Variants in TBC1D5 observed in about 807,000 individuals in gnomAD.
TBC1D5 encodes TBC1 domain family, member 5.
Under a neutral mutation model 100.3 loss-of-function variants are expected in TBC1D5, and 75 were observed. The ratio of observed to expected loss-of-function variants is 0.75; its 90% CI spans 0.62 to 0.91. TBC1D5 has a LOEUF of 0.91. Ranked by LOEUF, TBC1D5 falls within the 40% of genes least tolerant of loss-of-function variation. The pLI, the probability that TBC1D5 is intolerant of heterozygous loss-of-function variation, is 0.00. For missense variants in TBC1D5, 910 were observed against 942.4 expected (o/e 0.97, Z 0.45); for synonymous variants, 323 against 325.6 (o/e 0.99, Z 0.09).
At chr3:17,283,394 A>T (rs2080818988) in intron 15 of TBC1D5, among the ~76,000 whole-genome samples, 1 of 152,166 alleles carries the variant, frequency 6.6e-6, no homozygotes, top group African/African-American at 2.4e-5. Flanking sequence ...AGAAAACTGA[A>T]TGGTCTGGTT....
intron 14 of TBC1D5, among the ~76,000 whole-genome samples, chr3:17,299,674 T>C (rs182831703): frequency 0.015 from 2,307 of 151,926 alleles, 49 homozygotes; most frequent in African/African-American, 0.052. Context: ...CTGGCTAACA[T>C]GGTGAAACCC....
At chr3:17,292,136 G>A in intron 14 of TBC1D5, 135 bp from the exon 15 acceptor site, 1 of 723,162 alleles carries the variant, frequency 1.4e-6, no homozygotes, top group South Asian at 1.9e-5. Context: ...AAGGGAGTAG[G>A]AAGAAGGGAT....
chr3:17,174,253 G>T (rs1202593004), intron 19 of TBC1D5, among the ~76,000 whole-genome samples: 1 of 152,150 alleles, frequency 6.6e-6, no homozygotes, highest in African/African-American at 2.4e-5. Flanking sequence ...AATGTTTCCT[G>T]AAACTGCACT....
At chr3:17,548,598 T>C (rs2153442028) in intron 2 of TBC1D5, among the ~76,000 whole-genome samples, 1 of 152,312 alleles carries the variant, frequency 6.6e-6, no homozygotes, top group East Asian at 1.9e-4. Flanking sequence ...TTGTAGAGTC[T>C]TTGTAGCTAC....
In TBC1D5 at chr3:17,372,052, A is replaced by C. The variant is rs749523974; in HGVS notation, c.995+23T>G. On this transcript the variant is annotated intron_variant, in intron 13 of 21. Coordinates refer to ENST00000253692, the Ensembl canonical transcript of TBC1D5. ...ACTCTGTCTCAAAAAACAAACAAAC[A>C]AACAAAGAACTTTAATACTTACAAC... 1.9e-6 allele frequency: 3 copies of C among 1,585,800 alleles called. No individual in the cohort carries two copies. In the Admixed American group the frequency reaches 5.2e-5, roughly 27 times the overall value.
At chr3:17,659,285 G>T (rs1468401434) in intron 1 of TBC1D5, among the ~76,000 whole-genome samples, 1 of 152,100 alleles carries the variant, frequency 6.6e-6, no homozygotes. Flanking sequence ...AAAAGTCAAG[G>T]TGCTGAATAA....
chr3:17,712,785 C>T (rs919331407), intron 1 of TBC1D5, among the ~76,000 whole-genome samples: 16 of 152,178 alleles, frequency 1.1e-4, no homozygotes, highest in Non-Finnish European at 1.6e-4. Context: ...CACTCTGAGA[C>T]GCCTAACTGT....
In TBC1D5 at chr3:17,559,197, G is replaced by A. The variant is rs9810063; in HGVS notation, c.-35-50592C>T. Among the ~76,000 whole-genome samples, 359 of 152,076 alleles carry A rather than the reference G, an allele frequency of 2.4e-3. 2 individuals are homozygous for A. The highest frequency in any genetic ancestry group is 6.9e-3 in the African/African-American group (286 of 41,468). Reference sequence around the variant, plus strand: ...CTCGCTCTGTTGCCCAGGCTGGAGTGCAGTGGCATCTCGGTTCCCTGCAAC... The same window carrying A: ...CTCGCTCTGTTGCCCAGGCTGGAGTACAGTGGCATCTCGGTTCCCTGCAAC... On this transcript the variant is annotated intron_variant, in intron 2 of 21. Transcript: ENST00000253692.
At chr3:17,479,187 C>T (rs969106376) in intron 3 of TBC1D5, among the ~76,000 whole-genome samples, 4 of 152,052 alleles carry the variant, frequency 2.6e-5, no homozygotes, top group Non-Finnish European at 4.4e-5. Flanking sequence ...GATTGTTGAG[C>T]CCAGGAATTC....
chr3:17,560,969 A>G (rs542913703), intron 2 of TBC1D5, among the ~76,000 whole-genome samples: 1 of 152,236 alleles, frequency 6.6e-6, no homozygotes, highest in Middle Eastern at 3.4e-3. Flanking sequence ...GAACAATACT[A>G]AACTATAGTG....
intron 13 of TBC1D5, among the ~76,000 whole-genome samples, chr3:17,309,941 T>A (rs556463546): frequency 1.3e-5 from 2 of 152,204 alleles, no homozygotes; most frequent in African/African-American, 4.8e-5. Context: ...CTTTCCTCCA[T>A]CAATGAGGAA....
At chr3:17,298,047 A>C (rs2082441370) in intron 14 of TBC1D5, among the ~76,000 whole-genome samples, 1 of 152,260 alleles carries the variant, frequency 6.6e-6, no homozygotes, top group Admixed American at 6.5e-5. Flanking sequence ...GAAAATAATC[A>C]GTAAGCCTGA....
chr3:17,525,948 A>G (rs1053640104), intron 2 of TBC1D5, among the ~76,000 whole-genome samples: 1 of 152,192 alleles, frequency 6.6e-6, no homozygotes, highest in Admixed American at 6.5e-5. Flanking sequence ...ATCACTTTGT[A>G]AAGTTAATCT....
At chr3:17,524,960 A>T (rs2096113370) in intron 2 of TBC1D5, among the ~76,000 whole-genome samples, 1 of 152,142 alleles carries the variant, frequency 6.6e-6, no homozygotes, top group African/African-American at 2.4e-5. Context: ...AAAAATATGT[A>T]CACAGCATAC....
chr3:17,274,735 T>C (rs2079802711), intron 15 of TBC1D5, among the ~76,000 whole-genome samples: 1 of 152,224 alleles, frequency 6.6e-6, no homozygotes, highest in Admixed American at 6.5e-5. Context: ...ATACTCTCTA[T>C]TTTTATTGCT....
At chr3:17,484,791 C>A (rs2095541649) in intron 3 of TBC1D5, among the ~76,000 whole-genome samples, 1 of 151,934 alleles carries the variant, frequency 6.6e-6, no homozygotes, top group African/African-American at 2.4e-5. Flanking sequence ...ACCTTAAAAC[C>A]AAGTATATAT....
At chr3:17,472,354 G>C (rs1005927483) in intron 3 of TBC1D5, among the ~76,000 whole-genome samples, 2 of 151,854 alleles carry the variant, frequency 1.3e-5, no homozygotes, top group African/African-American at 2.4e-5. Flanking sequence ...TGGCCAGGAT[G>C]GTCTCGATCT....
At chr3:17,644,272 TAA>T (rs2153702487) in intron 1 of TBC1D5, among the ~76,000 whole-genome samples, 1 of 152,242 alleles carries the variant, frequency 6.6e-6, no homozygotes, top group African/African-American at 2.4e-5. Context: ...GTTTGTTGAT[TAA>T]ATACTTCAGT....
chr3:17,346,986 T>C (rs1167405085), intron 13 of TBC1D5, among the ~76,000 whole-genome samples: 1 of 152,210 alleles, frequency 6.6e-6, no homozygotes, highest in Non-Finnish European at 1.5e-5. Context: ...ACAGAATGGC[T>C]TGCCAATTAC....
Sources: gnomAD v4.1 joint callset for allele counts (sites outside exome capture counted in the v4.1 genomes callset) on GRCh38, gnomAD v4.1.1 for gene constraint, MANE v1.5 for transcripts, NCBI Gene and HGNC (gene_info 2026-07-23, HGNC 2026-07-21) for gene names.